The following HCRTR2 variants were observed in gnomAD, a reference collection of about 807,000 sequenced individuals.
HCRTR2 encodes hypocretin receptor 2, also known as orexin receptor type 2.
Under a neutral mutation model 49.0 loss-of-function variants are expected in HCRTR2, and 22 were observed. The observed-to-expected ratio is 0.45, with a 90% CI of 0.32 to 0.64. HCRTR2 has a LOEUF of 0.64. Ranked by LOEUF, HCRTR2 falls within the 30% of genes least tolerant of loss-of-function variation. HCRTR2 has a pLI of 0.04. For missense variants in HCRTR2, 491 were observed against 559.4 expected (o/e 0.88, Z 1.23); for synonymous variants, 236 against 205.3 (o/e 1.15, Z -1.28).
chr6:55,127,865 G>A (rs73432926), intron 1 of HCRTR2, among the ~76,000 whole-genome samples: 5,616 of 152,104 alleles, frequency 0.037, 342 homozygotes, highest in African/African-American at 0.13. Flanking sequence ...TCTCCAATTT[G>A]TTAGATTGTC....
intron 4 of HCRTR2, among the ~76,000 whole-genome samples, chr6:55,266,901 A>G (rs1346569891): frequency 6.6e-6 from 1 of 152,186 alleles, no homozygotes; most frequent in Non-Finnish European, 1.5e-5. Flanking sequence ...TTTAAAATAA[A>G]TTGCATCACA....
intron 1 of HCRTR2, among the ~76,000 whole-genome samples, chr6:55,179,881 C>A (rs553212365): frequency 4.6e-5 from 7 of 152,216 alleles, no homozygotes; most frequent in African/African-American, 1.7e-4. Flanking sequence ...CACTCCGCTC[C>A]GAAACATCCA....
At chr6:55,236,143 T>C (rs1267834194) in intron 1 of HCRTR2, among the ~76,000 whole-genome samples, 1 of 152,012 alleles carries the variant, frequency 6.6e-6, no homozygotes, top group Non-Finnish European at 1.5e-5. Context: ...GAGTAGGGTA[T>C]ATCCCCCTAT....
intron 5 of HCRTR2, among the ~76,000 whole-genome samples, 166 bp downstream of exon 5, chr6:55,277,766 C>A (rs992893620): frequency 6.6e-6 from 1 of 151,338 alleles, no homozygotes; most frequent in Non-Finnish European, 1.5e-5. Context: ...GTAAGGCGAA[C>A]AGCCTTTAAG....
At chr6:55,174,423 G>A, upstream of HCRTR2, 4 of 683,492 alleles carry the variant, frequency 5.9e-6, no homozygotes, top group Admixed American at 8.5e-5. Context: ...AAGTTGCCCG[G>A]CAGAAGACTC....
At chr6:55,221,076 T>A (rs891047599) in intron 1 of HCRTR2, among the ~76,000 whole-genome samples, 1 of 152,166 alleles carries the variant, frequency 6.6e-6, no homozygotes, top group African/African-American at 2.4e-5. Context: ...AGAAAGATAA[T>A]TCTGTTTTCA....
At chr6:55,173,900 A>T (rs1764987919), upstream of HCRTR2, among the ~76,000 whole-genome samples, 1 of 152,338 alleles carries the variant, frequency 6.6e-6, no homozygotes, top group African/African-American at 2.4e-5. Context: ...ATGTTAAAAT[A>T]AGTTTATATT....
At position 55,208,474 on chromosome 6, in the gene HCRTR2, A is replaced by G. The variant is rs150626618; in HGVS notation, c.223+33664A>G. Among the ~76,000 whole-genome samples the G allele has an allele frequency of 5.2e-3, 797 of 152,038 alleles. 4 individuals carry two copies. Among genetic ancestry groups the G allele is most frequent in the African/African-American group, 0.018 (735 of 41,430 alleles). On this transcript the variant is annotated intron_variant, in intron 1 of 6. Transcript: ENST00000370862. ...ACCATTGCACTCCAGTCTGGGTGACAGAGCGAGACTCCACCTCAAAAAATA... is the reference window on the plus strand; with the variant it reads ...ACCATTGCACTCCAGTCTGGGTGACGGAGCGAGACTCCACCTCAAAAAATA...
chr6:55,175,265 A>G (rs201620777), intron 1 of HCRTR2, among the ~76,000 whole-genome samples: 1 of 152,128 alleles, frequency 6.6e-6, no homozygotes, highest in Non-Finnish European at 1.5e-5. Flanking sequence ...GTGGCTGTGG[A>G]AGTCACAAAG....
chr6:55,271,637 T>C (rs1303160960), intron 4 of HCRTR2, among the ~76,000 whole-genome samples: 2 of 152,074 alleles, frequency 1.3e-5, no homozygotes, highest in Non-Finnish European at 2.9e-5. Context: ...CATATATGTG[T>C]TAAGGAATTT....
At chr6:55,200,497 CTT>C (rs1196884255) in intron 1 of HCRTR2, among the ~76,000 whole-genome samples, 2 of 152,074 alleles carry the variant, frequency 1.3e-5, no homozygotes, top group African/African-American at 2.4e-5. Context: ...TTTGAAAAGA[CTT>C]TTTCCTGATT....
chr6:55,142,198 A>G (rs1393272605), intron 1 of HCRTR2, among the ~76,000 whole-genome samples: 1 of 151,754 alleles, frequency 6.6e-6, no homozygotes, highest in East Asian at 1.9e-4. Flanking sequence ...CATTTAAAAA[A>G]AAATTTTTTT....
Position 55,277,507 on chromosome 6 carries a change from G to C in HCRTR2, c.890G>C (p.Arg297Pro). 6.2e-7 allele frequency: 1 copy of C among 1,614,046 alleles called. No homozygotes were observed. Among genetic ancestry groups the C allele is most frequent in the Non-Finnish European group, 8.5e-7 (1 of 1,179,990 alleles). ...SAVAAEIKQI[R>P]ARRKTARMLM... ...GTGGCGGCTGAAATAAAGCAGATCCGAGCCAGAAGGAAAACAGCCCGGATG... is the reference window on the plus strand; with the variant it reads ...GTGGCGGCTGAAATAAAGCAGATCCCAGCCAGAAGGAAAACAGCCCGGATG... The change falls in exon 5 of 7, where the codon CGA becomes CCA. Residue 297 changes from arginine to proline, a missense_variant. Coordinates refer to ENST00000370862, the MANE Select transcript of HCRTR2 (RefSeq NM_001384272.1).
chr6:55,160,287 G>A (rs570164799), intron 1 of HCRTR2, among the ~76,000 whole-genome samples: 1 of 152,300 alleles, frequency 6.6e-6, no homozygotes, highest in Admixed American at 6.5e-5. Context: ...AGCAAATGCT[G>A]AGAAATTTTG....
intron 1 of HCRTR2, among the ~76,000 whole-genome samples, chr6:55,135,182 G>C (rs1283634215): frequency 6.6e-6 from 1 of 152,012 alleles, no homozygotes; most frequent in African/African-American, 2.4e-5. Context: ...CCATTAATTG[G>C]GTTTGGAACA....
chr6:55,214,875 G>A (rs1765761043), intron 1 of HCRTR2, among the ~76,000 whole-genome samples: 1 of 151,582 alleles, frequency 6.6e-6, no homozygotes, highest in Non-Finnish European at 1.5e-5. Context: ...CTTGAAGATG[G>A]GTCATTTGTA....
chr6:55,278,727 AATTATT>A (rs201178077), intron 5 of HCRTR2, among the ~76,000 whole-genome samples: 272 of 144,686 alleles, frequency 1.9e-3, no homozygotes, highest in African/African-American at 5.0e-3. Context: ...GCTTCTTATT[AATTATT>A]ATTATTATTA....
chr6:55,125,151 CATT>C (rs1393901143), intron 1 of HCRTR2, among the ~76,000 whole-genome samples: 1 of 152,114 alleles, frequency 6.6e-6, no homozygotes, highest in Non-Finnish European at 1.5e-5. Context: ...TTGATACTGT[CATT>C]ATGATGCTAG....
chr6:55,233,245 G>T (rs1190329271), intron 1 of HCRTR2, among the ~76,000 whole-genome samples: 1 of 151,932 alleles, frequency 6.6e-6, no homozygotes, highest in East Asian at 1.9e-4. Flanking sequence ...CCCACCACCA[G>T]ACTCAGCTAA....
Sources: gnomAD v4.1 joint callset for allele counts (sites outside exome capture counted in the v4.1 genomes callset) on GRCh38, gnomAD v4.1.1 for gene constraint, MANE v1.5 for transcripts, NCBI Gene and HGNC (gene_info 2026-07-23, HGNC 2026-07-21) for gene names.